The following IGF2R variants were observed in gnomAD, a reference collection of about 807,000 sequenced individuals.
IGF2R encodes cation-independent mannose-6-phosphate receptor.
In IGF2R, 91 loss-of-function variants were observed where a neutral mutation model predicts 270.6. The ratio of observed to expected loss-of-function variants is 0.34; its 90% CI spans 0.28 to 0.40. IGF2R has a LOEUF of 0.40. IGF2R is among the 10% of genes least tolerant of loss of function. The probability of loss-of-function intolerance (pLI) is 1.00; values close to 1 mark genes in which losing one functional copy is unlikely to be tolerated. For missense variants in IGF2R, 2,805 were observed against 3,188.3 expected (o/e 0.88, Z 2.90); for synonymous variants, 1,316 against 1,258.9 (o/e 1.05, Z -0.96).
intron 1 of IGF2R, among the ~76,000 whole-genome samples, chr6:159,987,375 A>G (rs1431830452): frequency 6.6e-6 from 1 of 152,164 alleles, no homozygotes; most frequent in Non-Finnish European, 1.5e-5. Flanking sequence ...GCTCCTGTTG[A>G]TACTAGGGGC....
intron 30 of IGF2R, 25 bp downstream of exon 30, chr6:160,068,410 T>G (rs1583289995): frequency 6.2e-7 from 1 of 1,611,604 alleles, no homozygotes; most frequent in East Asian, 2.2e-5. Context: ...CCTCGTGGGG[T>G]GGTGTTTGCA....
rs145293153 is a variant in IGF2R, at chr6:159,998,270, G to T, written c.289+6947G>T. 6.6e-6 allele frequency among the ~76,000 whole-genome samples: 1 copy of T among 152,190 alleles called. No homozygotes were observed. The highest frequency in any genetic ancestry group is 1.5e-5 in the Non-Finnish European group (1 of 68,030). ...AATGAAAGTATGTCTTGAGTTTATG[G>T]TAGTATAGTATGGTATGGTATAGTG... On this transcript the variant is annotated intron_variant, in intron 2 of 47. Coordinates refer to ENST00000356956, the MANE Select transcript of IGF2R (RefSeq NM_000876.4). The surrounding 1 kb of genome is among the most constrained non-coding windows in gnomAD (Gnocchi z 4.1).
intron 5 of IGF2R, 126 bp from the exon 6 acceptor site, chr6:160,027,059 C>T (rs538565318): frequency 2.2e-5 from 24 of 1,071,894 alleles, no homozygotes; most frequent in South Asian, 2.1e-4. Flanking sequence ...CCCAAGGTTT[C>T]AGAATAGTTA....
At chr6:159,989,343 C>T (rs943431649) in intron 1 of IGF2R, among the ~76,000 whole-genome samples, 4 of 152,066 alleles carry the variant, frequency 2.6e-5, no homozygotes. Context: ...TGGTTTTGTG[C>T]TGAGTCATTG....
intron 1 of IGF2R, among the ~76,000 whole-genome samples, chr6:159,976,177 A>G (rs1358704531): frequency 6.6e-6 from 1 of 151,854 alleles, no homozygotes; most frequent in African/African-American, 2.4e-5. Context: ...GGTTTTTTCT[A>G]GTTTTATTTT....
intron 2 of IGF2R, among the ~76,000 whole-genome samples, chr6:159,997,617 C>T (rs1485475553): frequency 6.6e-6 from 1 of 152,166 alleles, no homozygotes; most frequent in African/African-American, 2.4e-5. Context: ...ATACCAAGTC[C>T]CTCAGGGCTC....
intron 7 of IGF2R, 37 bp from the exon 8 acceptor site, chr6:160,032,514 A>G (rs199673912): frequency 7.5e-6 from 12 of 1,591,908 alleles, no homozygotes; most frequent in Admixed American, 5.1e-5. Context: ...TGCATGAAAC[A>G]TTTTTTATTT....
chr6:160,054,013 A>G (rs539028658), intron 19 of IGF2R, among the ~76,000 whole-genome samples: 8 of 152,296 alleles, frequency 5.3e-5, no homozygotes, highest in East Asian at 1.9e-4. Flanking sequence ...GCCACCATAC[A>G]CAGCCTAGAA....
At chr6:159,989,321 G>A (rs1783941180) in intron 1 of IGF2R, among the ~76,000 whole-genome samples, 1 of 152,152 alleles carries the variant, frequency 6.6e-6, no homozygotes, top group Admixed American at 6.5e-5. Flanking sequence ...GCACGTGGGG[G>A]GGCCTGGTGG....
At position 160,060,542 on chromosome 6, in the gene IGF2R, T is replaced by C; in HGVS notation, c.3092-5T>C. The C allele has an allele frequency of 6.2e-7, 1 of 1,614,174 alleles. No individual in the cohort carries two copies. Reference sequence around the variant, plus strand: ...TCTTAAAATCTGGGCCTTCTTGCTTTACAGGTACCGCTGATGCTTTTATCG... The same window carrying C: ...TCTTAAAATCTGGGCCTTCTTGCTTCACAGGTACCGCTGATGCTTTTATCG... On this transcript the variant is annotated splice_region_variant and splice_polypyrimidine_tract_variant and intron_variant, in intron 22 of 47. Coordinates refer to ENST00000356956, the MANE Select transcript of IGF2R (RefSeq NM_000876.4).
At chr6:160,103,038 G>C (rs1477687684) in intron 46 of IGF2R, among the ~76,000 whole-genome samples, 1 of 152,142 alleles carries the variant, frequency 6.6e-6, no homozygotes, top group Non-Finnish European at 1.5e-5. Flanking sequence ...TTAAGCGCCT[G>C]CTATGTACCA....
chr6:160,090,605 G>A (rs768673644), intron 44 of IGF2R, among the ~76,000 whole-genome samples: 1 of 152,214 alleles, frequency 6.6e-6, no homozygotes, highest in Non-Finnish European at 1.5e-5. Flanking sequence ...ACTAATAAGG[G>A]TGTTGCCCTT....
At chr6:159,969,417 A>G (rs1783573195) in intron 1 of IGF2R, 22 bp downstream of exon 1, 1 of 1,205,228 alleles carries the variant, frequency 8.3e-7, no homozygotes, top group Non-Finnish European at 1.0e-6. Context: ...GCCCGGACGC[A>G]GGCTCCGCTC....
At chr6:160,018,517 A>G (rs1255591876) in intron 4 of IGF2R, among the ~76,000 whole-genome samples, 1 of 152,188 alleles carries the variant, frequency 6.6e-6, no homozygotes, top group African/African-American at 2.4e-5. Flanking sequence ...CGCAGAACAT[A>G]TATTCTTCTC....
chr6:160,077,915 C>T (rs956032830), intron 36 of IGF2R, among the ~76,000 whole-genome samples: 15 of 152,356 alleles, frequency 9.8e-5, no homozygotes, highest in South Asian at 8.3e-4. Context: ...AAGCCCTCCC[C>T]CTTTCTTCCT....
chr6:160,065,814 G>GTGTGTGTATATATATATATA, intron 29 of IGF2R, among the ~76,000 whole-genome samples: 112 of 78,228 alleles, frequency 1.4e-3, no homozygotes, highest in East Asian at 1.8e-3. Flanking sequence ...GTGTGTGTGT[G>GTGTGTGTATATATATATATA]TATATATATA....
Position 160,111,187 on chromosome 6 carries a change from T to G in IGF2R, c.*6103T>G, listed in dbSNP as rs762305745. On this transcript the variant is annotated 3_prime_UTR_variant, in exon 48 of 48. Transcript: ENST00000356956. ...CATGTTGTACAACATAAGTATACAA[T>G]TGACCCTTGAACAATACAGGTTTGA... The G allele has an allele frequency of 6.6e-6, 1 of 152,292 alleles. No individual in the cohort carries two copies. The highest frequency in any genetic ancestry group is 1.9e-4 in the East Asian group (1 of 5,186). 9.4% of individuals were successfully genotyped at this position (152,292 alleles called of 1,614,324 possible). A position where few individuals can be genotyped will look rare whatever the true frequency, so the allele number is the denominator to read the frequency against.
At chr6:159,972,847 A>G (rs1230120194) in intron 1 of IGF2R, among the ~76,000 whole-genome samples, 1 of 152,236 alleles carries the variant, frequency 6.6e-6, no homozygotes, top group African/African-American at 2.4e-5. Context: ...CTCATTTCCC[A>G]AAGTGTATCT....
At position 160,032,966 on chromosome 6, in the gene IGF2R, A is replaced by C. The variant is rs749156946; in HGVS notation, c.1070A>C (p.Lys357Thr). The change falls in exon 9 of 48, where the codon AAA becomes ACA. Residue 357 changes from lysine (K) to threonine (T), a missense_variant. Lys to Thr is a moderately conservative substitution (Grantham distance 78, BLOSUM62 -1). Around this residue, in one of 2 missense-constraint regions of IGF2R, gnomAD observed 954 missense variants for 981.1 expected, o/e 0.97. Transcript: ENST00000356956. ...SGGSSYISDG[K>T]EYLFYLNVCG... ...GGTTCATCCTATATTTCAGATGGAA[A>C]AGAATATTTGTTTTATTTGAATGTC... is the stretch of plus-strand genomic sequence containing the variant. 9.4e-6 allele frequency: 15 copies of C among 1,601,142 alleles called. No homozygotes were observed. The East Asian group carries it at 1.8e-4, about 19-fold the overall frequency.
Sources: gnomAD v4.1 joint callset for allele counts (sites outside exome capture counted in the v4.1 genomes callset) on GRCh38, gnomAD v4.1.1 for gene constraint, gnomAD v4.1.1 regional missense constraint, Gnocchi (gnomAD v3.1) non-coding constraint, MANE v1.5 for transcripts, NCBI Gene and HGNC (gene_info 2026-07-23, HGNC 2026-07-21) for gene names.